AGBL4: variants seen among roughly 807,000 people sequenced by gnomAD.
The protein encoded by AGBL4 is AGBL carboxypeptidase 4, also known as cytosolic carboxypeptidase 6.
AGBL4 carries 58 observed loss-of-function variants against 66.4 expected under a neutral mutation model. That is an observed-to-expected ratio of 0.87 (90% CI 0.71 to 1.09). The LOEUF (loss-of-function observed/expected upper bound fraction) is 1.09. Ranked by LOEUF, AGBL4 falls within the 50% of genes least tolerant of loss-of-function variation. The pLI is 0.00. For synonymous variants in AGBL4, 234 were observed against 222.9 expected, an observed-to-expected ratio of 1.05 and a Z score of -0.44; for missense variants, 579 against 631.0, an observed-to-expected ratio of 0.92 and a Z score of 0.88.
At chr1:49,731,260 A>T (rs1649424836) in intron 2 of AGBL4, among the ~76,000 whole-genome samples, 1 of 152,122 alleles carries the variant, frequency 6.6e-6, no homozygotes, top group South Asian at 2.1e-4. Flanking sequence ...AGTATGGCAA[A>T]TAGTTCTGTA....
At chr1:49,998,665 A>C (rs1660530048) in intron 1 of AGBL4, among the ~76,000 whole-genome samples, 1 of 152,194 alleles carries the variant, frequency 6.6e-6, no homozygotes, top group African/African-American at 2.4e-5. Flanking sequence ...CCTGATGAAC[A>C]CAGATGCCAA....
chr1:49,729,213 G>A (rs1455213170), intron 2 of AGBL4, among the ~76,000 whole-genome samples: 2 of 152,124 alleles, frequency 1.3e-5, no homozygotes, highest in Admixed American at 1.3e-4. Flanking sequence ...ATGCTGCCAG[G>A]TTTTGAAATG....
At chr1:49,483,661 G>C (rs978181184) in intron 3 of AGBL4, among the ~76,000 whole-genome samples, 12 of 151,862 alleles carry the variant, frequency 7.9e-5, no homozygotes, top group African/African-American at 2.7e-4. Context: ...AACACATTGA[G>C]GAACCTCTCC....
intron 1 of AGBL4, among the ~76,000 whole-genome samples, chr1:49,958,789 A>G (rs1043110058): frequency 2.6e-4 from 39 of 151,940 alleles, no homozygotes; most frequent in African/African-American, 9.2e-4. Flanking sequence ...ACATGTATAC[A>G]TATGTAACAA....
chr1:48,588,319 C>T (rs145393337), intron 10 of AGBL4, among the ~76,000 whole-genome samples: 22 of 152,312 alleles, frequency 1.4e-4, no homozygotes, highest in African/African-American at 4.1e-4. Context: ...GAGAAATGAA[C>T]AAGCATGTCA....
At chr1:48,870,591 G>C (rs1443480637) in intron 5 of AGBL4, among the ~76,000 whole-genome samples, 2 of 152,114 alleles carry the variant, frequency 1.3e-5, no homozygotes, top group Non-Finnish European at 2.9e-5. Context: ...TTGCCTTTAA[G>C]ATTTTGCTCC....
At chr1:49,836,689 C>T (rs1017667248) in intron 2 of AGBL4, among the ~76,000 whole-genome samples, 1 of 152,194 alleles carries the variant, frequency 6.6e-6, no homozygotes, top group Non-Finnish European at 1.5e-5. Flanking sequence ...CCTTTTTACA[C>T]TGGTTTTTCC....
intron 3 of AGBL4, among the ~76,000 whole-genome samples, chr1:49,665,895 A>G (rs1423460933): frequency 6.6e-6 from 1 of 151,556 alleles, no homozygotes; most frequent in Non-Finnish European, 1.5e-5. Context: ...ACAGTAGTCA[A>G]TAAAATTGGT....
intron 2 of AGBL4, among the ~76,000 whole-genome samples, chr1:49,797,477 A>G (rs1158371328): frequency 1.3e-5 from 2 of 152,184 alleles, no homozygotes; most frequent in African/African-American, 4.8e-5. Context: ...TCTGTCGCCC[A>G]GGCTAGAGTG....
intron 2 of AGBL4, among the ~76,000 whole-genome samples, chr1:49,830,370 G>A (rs553129062): frequency 1.2e-4 from 19 of 152,244 alleles, no homozygotes; most frequent in African/African-American, 3.9e-4. Context: ...GACCAGTGAC[G>A]ATGAGCTTTT....
At position 49,562,188 on chromosome 1, in the gene AGBL4, A is replaced by G. The variant is rs1406315920; in HGVS notation, c.282+135125T>C. On this transcript the variant is annotated intron_variant, in intron 3 of 13. Coordinates refer to ENST00000371839, the MANE Select transcript of AGBL4 (RefSeq NM_032785.4). ...TTTTCTTGTAAATGTGTTTGAGTTC[A>G]TTGTAGATTCTGGATATTAGCCCTC... is the stretch of plus-strand genomic sequence containing the variant. Among the ~76,000 whole-genome samples the G allele has an allele frequency of 2.0e-5, 3 of 151,916 alleles. No individual in the cohort carries two copies. In the East Asian group the frequency reaches 5.8e-4, roughly 29 times the overall value.
chr1:49,915,157 G>A (rs891997597), intron 1 of AGBL4, among the ~76,000 whole-genome samples: 4 of 152,178 alleles, frequency 2.6e-5, no homozygotes, highest in Admixed American at 2.0e-4. Context: ...CCCAGCGTGA[G>A]CAACGCAGAA....
intron 4 of AGBL4, among the ~76,000 whole-genome samples, chr1:49,138,986 G>A (rs1302292541): frequency 6.6e-6 from 1 of 152,092 alleles, no homozygotes; most frequent in Non-Finnish European, 1.5e-5. Flanking sequence ...TGGCAAAAAA[G>A]GGGAAGCAAG....
intron 2 of AGBL4, among the ~76,000 whole-genome samples, chr1:49,828,646 T>C (rs943595537): frequency 3.9e-5 from 6 of 152,190 alleles, no homozygotes; most frequent in African/African-American, 7.2e-5. Flanking sequence ...AAGTTCACAT[T>C]ATATTCTAAC....
At chr1:49,677,751 G>C (rs1646609046) in intron 3 of AGBL4, among the ~76,000 whole-genome samples, 1 of 152,128 alleles carries the variant, frequency 6.6e-6, no homozygotes. Context: ...ATTAGCTTTA[G>C]ATGAGGTCAT....
At chr1:48,577,334 T>A (rs1644670146) in intron 11 of AGBL4, among the ~76,000 whole-genome samples, 1 of 152,236 alleles carries the variant, frequency 6.6e-6, no homozygotes, top group African/African-American at 2.4e-5. Flanking sequence ...ACAGCCATAA[T>A]CCTGAAACAA....
chr1:49,424,214 TTAGA>T (rs1369242484), intron 3 of AGBL4, among the ~76,000 whole-genome samples: 3 of 152,158 alleles, frequency 2.0e-5, no homozygotes, highest in Admixed American at 1.3e-4. Context: ...ATAAACAATA[TTAGA>T]TAGAGTCTGT....
At chr1:48,528,923 A>T (rs1199464697), downstream of AGBL4, among the ~76,000 whole-genome samples, 1 of 151,952 alleles carries the variant, frequency 6.6e-6, no homozygotes, top group African/African-American at 2.4e-5. Context: ...TTTTTAGTCT[A>T]GTTATTTCAG....
intron 3 of AGBL4, among the ~76,000 whole-genome samples, chr1:49,290,334 C>T (rs550329976): frequency 3.3e-5 from 5 of 152,258 alleles, no homozygotes; most frequent in South Asian, 2.1e-4. Context: ...AAACTAGCAG[C>T]GATCTGAGGA....
Sources: allele counts gnomAD v4.1 joint callset (sites outside exome capture counted in the v4.1 genomes callset), GRCh38; gene constraint gnomAD v4.1.1; transcripts MANE v1.5; gene names NCBI Gene and HGNC (gene_info 2026-07-23, HGNC 2026-07-21).